CLCA1: variants seen among roughly 807,000 people sequenced by gnomAD.
The protein encoded by CLCA1 is calcium-activated chloride channel regulator 1.
Under a neutral mutation model 85.6 loss-of-function variants are expected in CLCA1, and 59 were observed. The ratio of observed to expected loss-of-function variants is 0.69; its 90% CI spans 0.56 to 0.86. The LOEUF (loss-of-function observed/expected upper bound fraction) is 0.86. Among genes scored for constraint, CLCA1 ranks in the 40% least tolerant of loss-of-function variants. The pLI is 0.00. For missense variants in CLCA1, 1,022 were observed against 1,101.4 expected (o/e 0.93, Z 1.02); for synonymous variants, 396 against 398.3 (o/e 0.99, Z 0.07).
intron 1 of CLCA1, 89 bp from the exon 2 acceptor site, chr1:86,473,327 GA>G (rs1157232432): frequency 1.8e-5 from 17 of 956,594 alleles, no homozygotes; most frequent in African/African-American, 6.5e-5. Flanking sequence ...ACAAGTTTTT[GA>G]AAATGTGAAA....
At chr1:86,498,169 AGGAAGGAAGGAAGGAAGGAT>A (rs1283290702) in intron 12 of CLCA1, among the ~76,000 whole-genome samples, 2,109 of 130,682 alleles carry the variant, frequency 0.016, 70 homozygotes, top group African/African-American at 0.055. Flanking sequence ...GAAGGAAGGA[AGGAAGGAAGGAAGGAAGGAT>A]GGAAGGAAGG....
intron 5 of CLCA1, among the ~76,000 whole-genome samples, chr1:86,483,422 A>G (rs1160936950): frequency 1.3e-5 from 2 of 152,200 alleles, no homozygotes; most frequent in African/African-American, 2.4e-5. Context: ...TTACTTTCTA[A>G]ATTAATAGCA....
chr1:86,474,809 G>T (rs1056410606), intron 3 of CLCA1, among the ~76,000 whole-genome samples: 2 of 152,090 alleles, frequency 1.3e-5, no homozygotes, highest in African/African-American at 4.8e-5. Context: ...AACAAGTAAT[G>T]ACATATATAT....
rs2145412 is a variant in CLCA1 at position 86,473,447 on chromosome 1, C to T, written c.193C>T (p.Leu65Phe). The T allele has an allele frequency of 0.95, 1,533,748 of 1,606,750 alleles. 734,412 individuals carry two copies. Among genetic ancestry groups the T allele is most frequent in the East Asian group, 0.99 (44,397 of 44,838 alleles). The change falls in exon 2 of 14, where the codon CTT becomes TTT. Residue 65 changes from leucine to phenylalanine, a missense_variant. Coordinates refer to ENST00000394711, the MANE Select transcript of CLCA1 (RefSeq NM_001285.4). The stretch of plus-strand genomic sequence containing the variant: ...GGTGACCCAGGCATCTCTGTATCTG[C>T]TTGAAGCTACAGGAAAGCGATTTTA... ...DMVTQASLYL[L>F]EATGKRFYFK...
At chr1:86,479,933 TATG>T (rs965867288) in intron 4 of CLCA1, among the ~76,000 whole-genome samples, 3 of 152,066 alleles carry the variant, frequency 2.0e-5, no homozygotes, top group Admixed American at 2.0e-4. Context: ...ACATTACACA[TATG>T]ATAATTTAGT....
intron 4 of CLCA1, among the ~76,000 whole-genome samples, chr1:86,481,288 C>T (rs760685313): frequency 1.3e-5 from 2 of 151,918 alleles, no homozygotes; most frequent in Non-Finnish European, 2.9e-5. Context: ...AGGTGCGCAA[C>T]ACCATGCCCA....
chr1:86,493,842 T>C (rs1558145724), intron 10 of CLCA1, among the ~76,000 whole-genome samples: 2 of 152,122 alleles, frequency 1.3e-5, no homozygotes, highest in South Asian at 2.1e-4. Context: ...AATTACATAG[T>C]AATCAAGATG....
At chr1:86,479,480 A>T (rs979767854) in intron 4 of CLCA1, among the ~76,000 whole-genome samples, 4 of 152,218 alleles carry the variant, frequency 2.6e-5, no homozygotes, top group African/African-American at 9.6e-5. Context: ...TCATTAAAAA[A>T]ATCTAAGAGT....
At chr1:86,470,361 A>G (rs984019057) in intron 1 of CLCA1, among the ~76,000 whole-genome samples, 2 of 152,192 alleles carry the variant, frequency 1.3e-5, no homozygotes, top group African/African-American at 2.4e-5. Context: ...TCTCTCAATC[A>G]TCTAAAATGT....
chr1:86,496,287 AT>A (rs767733144), intron 12 of CLCA1, among the ~76,000 whole-genome samples: 4 of 152,306 alleles, frequency 2.6e-5, no homozygotes, highest in Non-Finnish European at 5.9e-5. Context: ...AAAAGTAATA[AT>A]TTAGGGTTTG....
chr1:86,471,087 G>A (rs1555389), intron 1 of CLCA1, among the ~76,000 whole-genome samples: 5,122 of 151,992 alleles, frequency 0.034, 121 homozygotes, highest in Middle Eastern at 0.082. Context: ...CACACCACAC[G>A]CACAAGCTCG....
chr1:86,470,248 G>T, intron 1 of CLCA1, among the ~76,000 whole-genome samples: 1 of 152,190 alleles, frequency 6.6e-6, no homozygotes, highest in East Asian at 1.9e-4. Flanking sequence ...AGGGGATAGG[G>T]ATAGGGAACA....
intron 8 of CLCA1, among the ~76,000 whole-genome samples, chr1:86,489,996 A>G (rs1648093147): frequency 6.6e-6 from 1 of 152,194 alleles, no homozygotes; most frequent in Non-Finnish European, 1.5e-5. Context: ...AGGAAAGGAT[A>G]GGGCCAGGGA....
intron 4 of CLCA1, among the ~76,000 whole-genome samples, chr1:86,481,319 T>C (rs1443598457): frequency 6.6e-6 from 1 of 151,944 alleles, no homozygotes; most frequent in Non-Finnish European, 1.5e-5. Flanking sequence ...ATTGTATTTC[T>C]GGTAGAGTTG....
chr1:86,473,618 A>G, intron 2 of CLCA1, 61 bp downstream of exon 2: 1 of 1,492,930 alleles, frequency 6.7e-7, no homozygotes. Context: ...ATTTTTTAAA[A>G]TCAAAATATT....
rs749806975 is a variant in CLCA1 at position 86,482,253 on chromosome 1, A to G, written c.606A>G (p.Gly202=). 1.9e-6 allele frequency: 3 copies of G among 1,613,872 alleles called. No homozygotes were observed. The highest frequency in any genetic ancestry group is 2.2e-5 in the East Asian group (1 of 44,886). Residue 202 remains glycine, a synonymous_variant, in exon 5 of 14, where the codon GGA becomes GGG. Coordinates refer to ENST00000394711, the MANE Select transcript of CLCA1 (RefSeq NM_001285.4). ...CAAATGTAGTAAAGAAGTGTCAGGGAGGCAGCTGTTACACCAAAAGATGCA... is the reference window on the plus strand; with the variant it reads ...CAAATGTAGTAAAGAAGTGTCAGGGGGGCAGCTGTTACACCAAAAGATGCA... ...TGTNVVKKCQ[G]GSCYTKRCTF... is the part of the protein sequence containing the mutation.
At chr1:86,475,687 G>A in intron 3 of CLCA1, among the ~76,000 whole-genome samples, 1 of 152,138 alleles carries the variant, frequency 6.6e-6, no homozygotes, top group East Asian at 1.9e-4. Flanking sequence ...AAGATGGGAA[G>A]GAAGTATTCC....
intron 1 of CLCA1, among the ~76,000 whole-genome samples, chr1:86,472,655 T>C (rs1647537842): frequency 2.0e-5 from 3 of 152,206 alleles, no homozygotes; most frequent in Non-Finnish European, 2.9e-5. Context: ...GCTATTTCAT[T>C]TTAGAGAAGT....
In CLCA1 at chr1:86,492,544, T is replaced by C. The variant is rs139645574; in HGVS notation, c.1465-840T>C. ...CACTTGCCAGCTTGTGATCTACCTG[T>C]GAAACTAGGAAATCTGGCTCTATGA... On this transcript the variant is annotated intron_variant, in intron 9 of 13. Transcript: ENST00000394711. Among the ~76,000 whole-genome samples the C allele has an allele frequency of 2.4e-4, 37 of 152,328 alleles. No homozygotes were observed. In the East Asian group the frequency reaches 6.9e-3, roughly 29 times the overall value.
Sources: gnomAD v4.1 joint callset for allele counts (sites outside exome capture counted in the v4.1 genomes callset) on GRCh38, gnomAD v4.1.1 for gene constraint, MANE v1.5 for transcripts, NCBI Gene and HGNC (gene_info 2026-07-23, HGNC 2026-07-21) for gene names.